ANKRD45: variants seen among roughly 807,000 people sequenced by gnomAD.
ANKRD45 encodes ankyrin repeat domain 45, also known as ankyrin repeat domain-containing protein 45.
In ANKRD45, 21 loss-of-function variants were observed where a neutral mutation model predicts 28.1. The observed-to-expected ratio is 0.75, with a 90% confidence interval of 0.53 to 1.08. ANKRD45 has a LOEUF of 1.08. Among genes scored for constraint, ANKRD45 ranks in the 50% least tolerant of loss-of-function variants. ANKRD45 has a pLI of 0.00. For synonymous variants in ANKRD45, 86 were observed against 103.9 expected, an observed-to-expected ratio of 0.83 and a Z score of 1.05; for missense variants, 261 against 308.7, an observed-to-expected ratio of 0.85 and a Z score of 1.16.
intron 2 of ANKRD45, among the ~76,000 whole-genome samples, chr1:173,656,364 T>C (rs1558142698): frequency 6.6e-6 from 1 of 152,256 alleles, no homozygotes; most frequent in Admixed American, 6.5e-5. Flanking sequence ...AAGTTGCTGA[T>C]TGGGATATTG....
intron 5 of ANKRD45, among the ~76,000 whole-genome samples, chr1:173,624,251 A>C (rs887204828): frequency 6.6e-6 from 1 of 152,154 alleles, no homozygotes; most frequent in African/African-American, 2.4e-5. Context: ...CCAACACTTC[A>C]GGAGGCTGAG....
At chr1:173,652,703 T>C (rs1462220728) in intron 2 of ANKRD45, among the ~76,000 whole-genome samples, 1 of 152,202 alleles carries the variant, frequency 6.6e-6, no homozygotes, top group Non-Finnish European at 1.5e-5. Context: ...CTGGTAGAAT[T>C]CGGCTGTCAA....
upstream of ANKRD45, among the ~76,000 whole-genome samples, chr1:173,671,227 TTCCCAGA>T (rs1390184787): frequency 6.6e-6 from 1 of 152,106 alleles, no homozygotes; most frequent in Non-Finnish European, 1.5e-5. Context: ...CTTATCACTC[TTCCCAGA>T]TGTCTGTAGC....
chr1:173,667,523 G>A (rs1301524688), intron 1 of ANKRD45, among the ~76,000 whole-genome samples: 2 of 151,982 alleles, frequency 1.3e-5, no homozygotes, highest in Non-Finnish European at 2.9e-5. Context: ...CCAATATGGT[G>A]AAACCCCGTC....
At chr1:173,613,039 T>G (rs1335149948) in intron 5 of ANKRD45, among the ~76,000 whole-genome samples, 5 of 151,794 alleles carry the variant, frequency 3.3e-5, no homozygotes, top group Non-Finnish European at 7.4e-5. Context: ...GGAGCGTCTC[T>G]GCCTGGCCGC....
At chr1:173,683,435 C>T in the ANKRD45 span, among the ~76,000 whole-genome samples, 17 of 151,936 alleles carry the variant, frequency 1.1e-4, no homozygotes, top group African/African-American at 3.9e-4. Flanking sequence ...AACTCCAAAA[C>T]AACAACAACA....
At chr1:173,662,889 G>T (rs1669842571) in intron 1 of ANKRD45, among the ~76,000 whole-genome samples, 1 of 152,144 alleles carries the variant, frequency 6.6e-6, no homozygotes, top group South Asian at 2.1e-4. Context: ...GGTAGACAGG[G>T]ATTGGAAATG....
intron 4 of ANKRD45, 141 bp downstream of exon 4, chr1:173,626,924 G>T: frequency 1.7e-6 from 1 of 581,500 alleles, no homozygotes; most frequent in South Asian, 2.4e-5. Flanking sequence ...GGAAGGGAAG[G>T]TAGGAGGGAA....
intron 3 of ANKRD45, among the ~76,000 whole-genome samples, chr1:173,644,020 T>G (rs1668816346): frequency 6.6e-6 from 1 of 152,168 alleles, no homozygotes; most frequent in African/African-American, 2.4e-5. Flanking sequence ...GTTAGCTAAT[T>G]CCCTCTAAGA....
intron 2 of ANKRD45, among the ~76,000 whole-genome samples, chr1:173,648,876 GA>G (rs144102194): frequency 3.3e-4 from 50 of 152,196 alleles, no homozygotes; most frequent in Middle Eastern, 3.4e-3. Context: ...TTTTATAGAT[GA>G]AGAAACCATA....
In ANKRD45 at chr1:173,609,591, T is replaced by C. The variant is rs1667057364; in HGVS notation, c.*554A>G. 6.6e-6 allele frequency: 1 copy of C among 152,614 alleles called. No individual in the cohort carries two copies. The highest frequency in any genetic ancestry group is 1.5e-5 in the Non-Finnish European group (1 of 68,386). The allele number at this position is 152,614 out of a possible 1,614,324, so 9.5% of individuals were successfully genotyped here. ...ATAAAACTATACAGATTTGTGTTTA[T>C]TAATTTACAGATAGAAGGAGGTCAA... is the stretch of plus-strand genomic sequence containing the variant. On this transcript the variant is annotated 3_prime_UTR_variant, in exon 6 of 6. Coordinates refer to ENST00000333279, the MANE Select transcript of ANKRD45 (RefSeq NM_198493.3).
the ANKRD45 span, among the ~76,000 whole-genome samples, chr1:173,693,797 T>A: frequency 2.6e-5 from 4 of 152,228 alleles, no homozygotes; most frequent in Non-Finnish European, 5.9e-5. Flanking sequence ...TCTTTGCTCA[T>A]TGATTTCTTC....
chr1:173,691,832 G>A, the ANKRD45 span, among the ~76,000 whole-genome samples: 1 of 152,156 alleles, frequency 6.6e-6, no homozygotes, highest in Non-Finnish European at 1.5e-5. Context: ...CTTACAGATG[G>A]AGCAATGGTG....
rs922547412 is a variant in ANKRD45 at position 173,669,348 on chromosome 1, A to G, written c.-16+469T>C. Reference sequence around the variant, plus strand: ...GCAGGCGACGCAGCCTGAAGTTGTGATAGAGGAGTAGATCCTAATGTGCCT... The same window carrying G: ...GCAGGCGACGCAGCCTGAAGTTGTGGTAGAGGAGTAGATCCTAATGTGCCT... On this transcript the variant is annotated intron_variant, in intron 1 of 5. Coordinates refer to ENST00000333279, the MANE Select transcript of ANKRD45 (RefSeq NM_198493.3). 33 of 436,802 alleles carry G rather than the reference A, an allele frequency of 7.6e-5. No individual in the cohort carries two copies. The East Asian group carries it at 2.1e-3, about 28-fold the overall frequency. 27.1% of individuals were successfully genotyped at this position (436,802 alleles called of 1,614,324 possible).
At chr1:173,641,019 C>A (rs1427890980) in intron 3 of ANKRD45, among the ~76,000 whole-genome samples, 2 of 152,134 alleles carry the variant, frequency 1.3e-5, no homozygotes, top group Non-Finnish European at 2.9e-5. Flanking sequence ...GGAAAGACCC[C>A]CTAGGCATTT....
At chr1:173,643,712 T>G (rs1668802033) in intron 3 of ANKRD45, among the ~76,000 whole-genome samples, 1 of 152,076 alleles carries the variant, frequency 6.6e-6, no homozygotes, top group African/African-American at 2.4e-5. Flanking sequence ...GGCCTGAGAC[T>G]GGGACAGAAG....
At chr1:173,683,432 AAACAAC>A in the ANKRD45 span, among the ~76,000 whole-genome samples, 12 of 152,006 alleles carry the variant, frequency 7.9e-5, no homozygotes, top group Non-Finnish European at 1.2e-4. Context: ...TAAAACTCCA[AAACAAC>A]AACAACAACA....
intron 2 of ANKRD45, among the ~76,000 whole-genome samples, chr1:173,648,575 G>A (rs575932939): frequency 1.3e-5 from 2 of 152,228 alleles, no homozygotes; most frequent in African/African-American, 2.4e-5. Flanking sequence ...AAGAAACCAG[G>A]AGCACCTGCA....
the ANKRD45 span, among the ~76,000 whole-genome samples, chr1:173,688,466 C>T: frequency 6.7e-6 from 1 of 148,166 alleles, no homozygotes; most frequent in East Asian, 2.0e-4. Context: ...CTCTTCCTCT[C>T]TCTACCTCTT....
Sources: allele counts gnomAD v4.1 joint callset (sites outside exome capture counted in the v4.1 genomes callset), GRCh38; gene constraint gnomAD v4.1.1; transcripts MANE v1.5; gene names NCBI Gene and HGNC (gene_info 2026-07-23, HGNC 2026-07-21).